The following TDP1 variants were observed in gnomAD, a reference collection of about 807,000 sequenced individuals.
TDP1 encodes the protein tyrosyl-DNA phosphodiesterase 1.
In TDP1, 64 loss-of-function variants were observed where a neutral mutation model predicts 81.5. That is an observed-to-expected ratio of 0.79 (90% confidence interval 0.64 to 0.97). TDP1 has a LOEUF of 0.97. TDP1 is among the 50% of genes least tolerant of loss of function. The probability of loss-of-function intolerance (pLI) is 0.00; values close to 1 mark genes in which losing one functional copy is unlikely to be tolerated. For missense variants in TDP1, 723 were observed against 743.8 expected (o/e 0.97, Z 0.33); for synonymous variants, 256 against 264.3 (o/e 0.97, Z 0.30).
chr14:89,982,901 G>A (rs1260968035), intron 8 of TDP1, among the ~76,000 whole-genome samples: 1 of 152,084 alleles, frequency 6.6e-6, no homozygotes, highest in African/African-American at 2.4e-5. Flanking sequence ...GGTCTACTGT[G>A]GTTCTGCTAA....
chr14:89,998,420 A>ATATATATGTATGTATGTATG (rs1566891293), intron 14 of TDP1, among the ~76,000 whole-genome samples: 2 of 79,286 alleles, frequency 2.5e-5, no homozygotes, highest in South Asian at 3.8e-4. Context: ...ATATATATAT[A>ATATATATGTATGTATGTATG]TATGTATGTA....
At chr14:89,992,939 C>A (rs1033104944) in intron 13 of TDP1, 1 of 984,730 alleles carries the variant, frequency 1.0e-6, no homozygotes, top group Non-Finnish European at 1.2e-6. Context: ...TCATTTTTTT[C>A]ATATACTGTT....
At chr14:89,983,217 C>A (rs561627642) in intron 8 of TDP1, 2 of 446,526 alleles carry the variant, frequency 4.5e-6, no homozygotes, top group African/African-American at 2.0e-5. Flanking sequence ...TCCAGCCCAA[C>A]CTGGTCATTT....
chr14:90,033,138 C>T lies in TDP1; in HGVS notation c.1677C>T (p.Phe559=). Residue 559 remains phenylalanine, a synonymous_variant, in exon 16 of 17, where the codon TTC becomes TTT. Coordinates refer to ENST00000335725, the MANE Select transcript of TDP1 (RefSeq NM_018319.4). The part of the protein sequence containing the change: ...GLDSFKVKQK[F]FAGSQEPMAT... Reference sequence around the variant, plus strand: ...ACAGTTTCAAAGTGAAACAGAAGTTCTTCGCTGGCAGCCAGGAGCCAATGG... The same window carrying T: ...ACAGTTTCAAAGTGAAACAGAAGTTTTTCGCTGGCAGCCAGGAGCCAATGG... The T allele has an allele frequency of 1.2e-6, 2 of 1,613,058 alleles. No homozygotes were observed. Among genetic ancestry groups the T allele is most frequent in the East Asian group, 2.2e-5 (1 of 44,870 alleles).
intron 3 of TDP1, chr14:89,964,910 TTAGA>T: frequency 2.3e-6 from 1 of 431,944 alleles, no homozygotes; most frequent in Non-Finnish European, 4.6e-6. Flanking sequence ...CATCTGCACT[TTAGA>T]AAAGTGCCCA....
chr14:89,987,119 T>A (rs1566876807), intron 10 of TDP1: 2 of 152,258 alleles, frequency 1.3e-5, no homozygotes, highest in Non-Finnish European at 1.5e-5. Flanking sequence ...ACTATGACTG[T>A]TAAGCCTCTT....
At chr14:89,981,274 C>T (rs973904294) in intron 8 of TDP1, among the ~76,000 whole-genome samples, 2 of 152,170 alleles carry the variant, frequency 1.3e-5, no homozygotes, top group Non-Finnish European at 2.9e-5. Flanking sequence ...AAGAGAAGAA[C>T]TGAATACGAA....
chr14:90,039,480 G>T (rs1452194868), intron 16 of TDP1, among the ~76,000 whole-genome samples: 2 of 152,174 alleles, frequency 1.3e-5, no homozygotes, highest in Non-Finnish European at 2.9e-5. Flanking sequence ...GACAGTGACA[G>T]TGGCTTCTGG....
intron 14 of TDP1, among the ~76,000 whole-genome samples, chr14:90,007,775 T>A (rs1245777901): frequency 6.6e-6 from 1 of 152,012 alleles, no homozygotes; most frequent in Non-Finnish European, 1.5e-5. Flanking sequence ...GCTAATTTTT[T>A]ATTTTTTTTT....
At chr14:90,024,684 CGCTTA>C (rs1349669385) in intron 15 of TDP1, among the ~76,000 whole-genome samples, 1 of 152,144 alleles carries the variant, frequency 6.6e-6, no homozygotes, top group Non-Finnish European at 1.5e-5. Context: ...AATACACATA[CGCTTA>C]GGAGTCCACT....
In TDP1 at chr14:90,042,519, T is replaced by G. The variant is rs546179814; in HGVS notation, c.1754-551T>G. ...TCCCTGTATTAGTCTGTCCTCACAC[T>G]GCTAATAAAGACATACTGGAGACTG... On this transcript the variant is annotated intron_variant, in intron 16 of 16. Transcript: ENST00000335725. Among the ~76,000 whole-genome samples, 15 of 152,320 alleles carry G rather than the reference T, an allele frequency of 9.8e-5. No homozygotes were observed. The South Asian group carries it at 2.5e-3, about 25-fold the overall frequency.
upstream of TDP1, chr14:89,955,879 A>T (rs1029604727): frequency 6.6e-6 from 1 of 151,640 alleles, no homozygotes; most frequent in Non-Finnish European, 1.5e-5. Flanking sequence ...CTCGAGGCAC[A>T]AGCCGCTGCC....
intron 16 of TDP1, among the ~76,000 whole-genome samples, chr14:90,037,346 G>A (rs1887919847): frequency 6.6e-6 from 1 of 152,070 alleles, no homozygotes; most frequent in African/African-American, 2.4e-5. Flanking sequence ...ATGAGCTAAG[G>A]GTGAAATAAA....
Position 89,980,574 on chromosome 14 carries a change from C to T in TDP1, c.826C>T (p.Arg276Trp), listed in dbSNP as rs757694490. Reference protein sequence around the residue: ...MMLLLYEEGLRVVIHTSNLIH... With the variant: ...MMLLLYEEGLWVVIHTSNLIH... The stretch of plus-strand genomic sequence containing the variant: ...GCTGCTGCTCTATGAAGAAGGCCTC[C>T]GGGTTGTCATACACACCTCCAACCT... Residue 276 changes from arginine to tryptophan, a missense_variant, in exon 8 of 17, where the codon CGG (arginine) becomes TGG (tryptophan). Transcript: ENST00000335725. 35 of 1,614,020 alleles carry T rather than the reference C, an allele frequency of 2.2e-5. No homozygotes were observed. Among genetic ancestry groups the T allele is most frequent in the Admixed American group, 2.0e-4 (12 of 60,004 alleles).
chr14:90,008,873 T>A (rs1002701735), intron 14 of TDP1, among the ~76,000 whole-genome samples: 18 of 152,322 alleles, frequency 1.2e-4, no homozygotes, highest in African/African-American at 4.3e-4. Context: ...CCTGCCTGGC[T>A]AATTTTTGCA....
chr14:89,963,020 A>G (rs553636622), intron 2 of TDP1, 88 bp from the exon 3 acceptor site: 1 of 1,600,520 alleles, frequency 6.2e-7, no homozygotes, highest in Non-Finnish European at 8.5e-7. Flanking sequence ...GTGTCAGCTC[A>G]TCTGACAGGG....
chr14:89,984,636 C>G lies in TDP1; in HGVS notation c.1005C>G (p.Leu335=), dbSNP rs200804855. Reference sequence around the variant, plus strand: ...TGATGGCTTATAATGCCCCTTCTCTCAAGGAGTGGATAGATGTCATTCACA... The same window carrying G: ...TGATGGCTTATAATGCCCCTTCTCTGAAGGAGTGGATAGATGTCATTCACA... ...SYLMAYNAPS[L]KEWIDVIHKH... The change falls in exon 9 of 17, where the codon CTC becomes CTG. Residue 335 remains leucine, a synonymous_variant. Coordinates refer to ENST00000335725, the MANE Select transcript of TDP1 (RefSeq NM_018319.4). 8.1e-6 allele frequency: 13 copies of G among 1,614,108 alleles called. No homozygotes were observed. In the Admixed American group the frequency reaches 1.7e-4, roughly 21 times the overall value.
At chr14:89,995,885 G>A (rs1010089440) in intron 14 of TDP1, among the ~76,000 whole-genome samples, 13 of 152,160 alleles carry the variant, frequency 8.5e-5, no homozygotes, top group African/African-American at 3.1e-4. Context: ...CAGGCACTCA[G>A]GATAAAACAG....
At chr14:90,006,157 G>A (rs1390746885) in intron 14 of TDP1, among the ~76,000 whole-genome samples, 1 of 152,070 alleles carries the variant, frequency 6.6e-6, no homozygotes. Flanking sequence ...TCTATTTGGT[G>A]GTTTGTCAGA....
Sources: allele counts gnomAD v4.1 joint callset (sites outside exome capture counted in the v4.1 genomes callset), GRCh38; gene constraint gnomAD v4.1.1; transcripts MANE v1.5; gene names NCBI Gene and HGNC (gene_info 2026-07-23, HGNC 2026-07-21).